PRKCE: variants seen among roughly 807,000 people sequenced by gnomAD.
PRKCE encodes the protein protein kinase C epsilon.
A neutral mutation model predicts 85.4 loss-of-function variants in PRKCE; 16 were observed. The ratio of observed to expected loss-of-function variants is 0.19; its 90% CI spans 0.13 to 0.28. PRKCE has a LOEUF of 0.28. Ranked by LOEUF, PRKCE falls within the 10% of genes least tolerant of loss-of-function variation. PRKCE has a pLI of 1.00. For synonymous variants in PRKCE, 388 were observed against 371.5 expected (o/e 1.04, Z -0.51); for missense variants, 573 against 975.2 (o/e 0.59, Z 5.49).
intron 2 of PRKCE, among the ~76,000 whole-genome samples, chr2:45,901,950 C>T (rs1036041762): frequency 4.6e-5 from 7 of 152,172 alleles, no homozygotes; most frequent in Non-Finnish European, 7.3e-5. Context: ...GAGTACATGG[C>T]CATCTTTGCC....
chr2:45,729,845 A>G lies in PRKCE; in HGVS notation c.348+77397A>G, dbSNP rs118125774. Among the ~76,000 whole-genome samples the G allele has an allele frequency of 1.6e-3, 238 of 152,198 alleles. 4 individuals carry two copies. In the East Asian group the frequency reaches 0.03, roughly 19 times the overall value. On this transcript the variant is annotated intron_variant, in intron 1 of 14. Transcript: ENST00000306156. ...AGTACGTCCACCTTGCCTCAAGGGG[A>G]GCAGATCTGTCAATGGCTCAAAGCC...
intron 2 of PRKCE, among the ~76,000 whole-genome samples, chr2:45,854,829 G>A (rs1692550531): frequency 6.6e-6 from 1 of 152,188 alleles, no homozygotes; most frequent in Non-Finnish European, 1.5e-5. Context: ...GTGGCCAAGT[G>A]GAATAGAGAG....
intron 1 of PRKCE, among the ~76,000 whole-genome samples, chr2:45,695,526 A>G (rs1344089478): frequency 6.6e-6 from 1 of 152,180 alleles, no homozygotes; most frequent in Non-Finnish European, 1.5e-5. Context: ...TAATCCCAAC[A>G]CTTTGGGAGG....
chr2:46,060,979 C>G (rs1255836864), intron 10 of PRKCE, among the ~76,000 whole-genome samples: 2 of 151,850 alleles, frequency 1.3e-5, no homozygotes, highest in Non-Finnish European at 2.9e-5. Flanking sequence ...CTAGGCTGGT[C>G]TTGAACTCCC....
At chr2:46,067,977 C>T (rs375014835) in intron 10 of PRKCE, among the ~76,000 whole-genome samples, 2 of 152,128 alleles carry the variant, frequency 1.3e-5, no homozygotes, top group East Asian at 3.8e-4. Context: ...ACATCATACT[C>T]TCGTTGAAGG....
chr2:46,131,623 C>T (rs549379937), intron 11 of PRKCE, among the ~76,000 whole-genome samples: 19 of 152,296 alleles, frequency 1.2e-4, no homozygotes, highest in African/African-American at 4.6e-4. Context: ...ACCTGCTCCT[C>T]AGGGACAGCC....
intron 2 of PRKCE, among the ~76,000 whole-genome samples, chr2:45,848,722 AC>A (rs61001281): frequency 0.75 from 114,465 of 152,118 alleles, 43,167 homozygotes; most frequent in Admixed American, 0.81. Context: ...GAAGTGTAAA[AC>A]CCCTTTGCCT....
chr2:45,806,928 GC>G (rs887734786), intron 1 of PRKCE, among the ~76,000 whole-genome samples: 3 of 152,166 alleles, frequency 2.0e-5, no homozygotes, highest in Non-Finnish European at 4.4e-5. Flanking sequence ...AAATAGTTGG[GC>G]CCCTGAGGAT....
chr2:46,096,620 G>T (rs535068482), intron 11 of PRKCE, among the ~76,000 whole-genome samples: 1 of 152,310 alleles, frequency 6.6e-6, no homozygotes, highest in Non-Finnish European at 1.5e-5. Context: ...GCAAGCCAAG[G>T]AGAGAGACTC....
rs76492796 is a variant in PRKCE at position 45,707,409 on chromosome 2, C to T, written c.348+54961C>T. On this transcript the variant is annotated intron_variant, in intron 1 of 14. Transcript: ENST00000306156. Reference sequence around the variant, plus strand: ...TTATATTCCCATAGAAAGCTTTGTACTTCCCAGAGCCATTTAAACATTGAT... The same window carrying T: ...TTATATTCCCATAGAAAGCTTTGTATTTCCCAGAGCCATTTAAACATTGAT... Among the ~76,000 whole-genome samples, 1,291 of 152,314 alleles carry T rather than the reference C, an allele frequency of 8.5e-3. 23 individuals are homozygous for T. Among genetic ancestry groups the T allele is most frequent in the African/African-American group, 0.03 (1,230 of 41,558 alleles).
chr2:45,866,148 C>G (rs560170074), intron 2 of PRKCE, among the ~76,000 whole-genome samples: 3 of 151,844 alleles, frequency 2.0e-5, no homozygotes, highest in Admixed American at 6.6e-5. Flanking sequence ...TTACCCAGTC[C>G]CAGATATTTT....
intron 1 of PRKCE, among the ~76,000 whole-genome samples, chr2:45,729,600 A>C (rs949922172): frequency 2.6e-5 from 4 of 152,016 alleles, no homozygotes; most frequent in Non-Finnish European, 5.9e-5. Flanking sequence ...AAATTTTTAC[A>C]CCGTTTTGAA....
chr2:46,168,291 C>T (rs1678546180), intron 14 of PRKCE, among the ~76,000 whole-genome samples: 1 of 152,126 alleles, frequency 6.6e-6, no homozygotes, highest in African/African-American at 2.4e-5. Flanking sequence ...CCTCCCAGAC[C>T]CACCTGCACT....
intron 10 of PRKCE, among the ~76,000 whole-genome samples, chr2:46,063,383 T>C (rs559614749): frequency 6.6e-6 from 1 of 152,344 alleles, no homozygotes; most frequent in East Asian, 1.9e-4. Flanking sequence ...GAGCTGTCTT[T>C]TCTTTTAAAA....
Position 45,843,171 on chromosome 2 carries a change from A to T in PRKCE, c.412+108A>T. The T allele has an allele frequency of 3.1e-6, 3 of 966,014 alleles. No homozygotes were observed. The South Asian group carries it at 4.2e-5, about 14-fold the overall frequency. 59.8% of individuals were successfully genotyped at this position (966,014 alleles called of 1,614,324 possible). ...AACACATTATAGTGACATTTAATTA[A>T]TTGGCATCCTTTAAAGGAAAAGGTT... is the stretch of plus-strand genomic sequence containing the variant. On this transcript the variant is annotated intron_variant, in intron 2 of 14. Coordinates refer to ENST00000306156, the MANE Select transcript of PRKCE (RefSeq NM_005400.3).
At chr2:46,061,848 C>A (rs866068566) in intron 10 of PRKCE, among the ~76,000 whole-genome samples, 1 of 113,614 alleles carries the variant, frequency 8.8e-6, no homozygotes, top group Non-Finnish European at 1.8e-5. Context: ...CTTTTCTTTT[C>A]TTTTCTTTTT....
At chr2:45,931,430 A>G (rs1300820147) in intron 2 of PRKCE, among the ~76,000 whole-genome samples, 1 of 152,186 alleles carries the variant, frequency 6.6e-6, no homozygotes, top group Non-Finnish European at 1.5e-5. Context: ...ATAGGTGGTA[A>G]ATGCTCTAAC....
At chr2:46,132,673 C>T (rs1574555848) in intron 11 of PRKCE, among the ~76,000 whole-genome samples, 1 of 152,184 alleles carries the variant, frequency 6.6e-6, no homozygotes, top group Non-Finnish European at 1.5e-5. Context: ...GCCCTGTACC[C>T]CTTCTTATTG....
At chr2:46,008,238 C>A (rs1436070768) in intron 9 of PRKCE, among the ~76,000 whole-genome samples, 1 of 152,064 alleles carries the variant, frequency 6.6e-6, no homozygotes, top group Admixed American at 6.5e-5. Context: ...GGTCCTCTGC[C>A]CTTGGTGCCA....
Sources: allele counts gnomAD v4.1 joint callset (sites outside exome capture counted in the v4.1 genomes callset), GRCh38; gene constraint gnomAD v4.1.1; transcripts MANE v1.5; gene names NCBI Gene and HGNC (gene_info 2026-07-23, HGNC 2026-07-21).